Variants in ITGA9 observed in about 807,000 individuals in gnomAD.
ITGA9 encodes integrin alpha-9.
A neutral mutation model predicts 127.8 loss-of-function variants in ITGA9; 56 were observed. The observed-to-expected ratio is 0.44, with a 90% CI of 0.35 to 0.55. ITGA9 has a LOEUF of 0.55. ITGA9 is among the 20% of genes least tolerant of loss of function. The pLI is 0.00. For missense variants in ITGA9, 1,196 were observed against 1,347.1 expected, an observed-to-expected ratio of 0.89 and a Z score of 1.76; for synonymous variants, 508 against 514.5, an observed-to-expected ratio of 0.99 and a Z score of 0.17.
Position 37,823,057 on chromosome 3 carries a change from G to A in ITGA9, c.*4068G>A, listed in dbSNP as rs895685317. ...AGAATATTCAAAGAGTGGCTGAAGG[G>A]AGAATACAGAGCCAGTAGGGCCAAA... On this transcript the variant is annotated 3_prime_UTR_variant, in exon 28 of 28. Transcript: ENST00000264741. The A allele has an allele frequency of 3.9e-5, 6 of 152,178 alleles. No homozygotes were observed. The highest frequency in any genetic ancestry group is 6.5e-5 in the Admixed American group (1 of 15,272). 9.4% of individuals were successfully genotyped at this position (152,178 alleles called of 1,614,324 possible). A position where few individuals can be genotyped will look rare whatever the true frequency, so the allele number is the denominator to read the frequency against.
At chr3:37,722,840 T>C (rs1243684439) in intron 18 of ITGA9, among the ~76,000 whole-genome samples, 1 of 152,108 alleles carries the variant, frequency 6.6e-6, no homozygotes, top group Non-Finnish European at 1.5e-5. Flanking sequence ...TACCTAAGAG[T>C]GGGATTGCTG....
Position 37,619,017 on chromosome 3 carries a change from G to A in ITGA9, c.1690-10170G>A, listed in dbSNP as rs6791820. 2.5e-3 allele frequency among the ~76,000 whole-genome samples: 375 copies of A among 152,312 alleles called. 3 individuals are homozygous for A. The highest frequency in any genetic ancestry group is 8.8e-3 in the African/African-American group (364 of 41,558). ...CCAGTGAGGTGAACCCAGTACCTCAGTTGGAAATGCAGAAATCGCCCGTCT... is the reference window on the plus strand; with the variant it reads ...CCAGTGAGGTGAACCCAGTACCTCAATTGGAAATGCAGAAATCGCCCGTCT... On this transcript the variant is annotated intron_variant, in intron 15 of 27. Transcript: ENST00000264741.
rs1301963526 is a variant in ITGA9 at position 37,533,465 on chromosome 3, A to G, written c.1525A>G (p.Ile509Val). 6.2e-7 allele frequency: 1 copy of G among 1,613,954 alleles called. No homozygotes were observed. Among genetic ancestry groups the G allele is most frequent in the Non-Finnish European group, 8.5e-7 (1 of 1,180,026 alleles). The change falls in exon 14 of 28, where the codon ATT becomes GTT. Residue 509 changes from isoleucine (I) to valine (V), a missense_variant. Transcript: ENST00000264741. ...SFHGKHVPGE[I>V]GLNYVLMADV... is the part of the protein sequence containing the mutation. ...CCATGGCAAACACGTTCCAGGAGAG[A>G]TTGGTAATGAGCCACCAAGTCAGGG...
intron 27 of ITGA9, chr3:37,805,958 C>T: frequency 6.6e-6 from 1 of 152,222 alleles, no homozygotes; most frequent in Non-Finnish European, 1.5e-5. Flanking sequence ...CAGGTGTGAG[C>T]CACCCCGCCC....
intron 23 of ITGA9, among the ~76,000 whole-genome samples, chr3:37,765,464 T>C (rs889218850): frequency 6.6e-6 from 1 of 152,154 alleles, no homozygotes; most frequent in Non-Finnish European, 1.5e-5. Context: ...CTTTCTTTTC[T>C]TTTTCTTTTG....
chr3:37,578,296 A>T (rs1377573375), intron 15 of ITGA9, among the ~76,000 whole-genome samples: 2 of 152,170 alleles, frequency 1.3e-5, no homozygotes, highest in Non-Finnish European at 2.9e-5. Flanking sequence ...GGATGAGCTC[A>T]TTTCATAAGG....
At chr3:37,507,056 G>C (rs1423674336) in intron 7 of ITGA9, among the ~76,000 whole-genome samples, 5 of 152,222 alleles carry the variant, frequency 3.3e-5, no homozygotes, top group Non-Finnish European at 7.3e-5. Flanking sequence ...CCTGGGCAGA[G>C]GTTAGGAGCT....
chr3:37,505,416 A>G (rs1698829705), intron 6 of ITGA9, among the ~76,000 whole-genome samples: 2 of 152,240 alleles, frequency 1.3e-5, no homozygotes, highest in South Asian at 2.1e-4. Flanking sequence ...TATATAACGG[A>G]TATTACTCAA....
chr3:37,671,317 A>T (rs1013424604), intron 17 of ITGA9, among the ~76,000 whole-genome samples: 1 of 152,216 alleles, frequency 6.6e-6, no homozygotes, highest in African/African-American at 2.4e-5. Context: ...TAAACAGATG[A>T]GGCAGGAGGA....
intron 26 of ITGA9, among the ~76,000 whole-genome samples, chr3:37,787,142 A>C (rs1487941605): frequency 1.3e-5 from 2 of 152,222 alleles, no homozygotes; most frequent in Non-Finnish European, 2.9e-5. Flanking sequence ...GCTCATTGTC[A>C]TAGTTCTGGT....
intron 26 of ITGA9, among the ~76,000 whole-genome samples, chr3:37,793,389 A>AACACACACACACACACACAC (rs10575371): frequency 2.2e-5 from 3 of 134,458 alleles, no homozygotes; most frequent in African/African-American, 5.5e-5. Context: ...CAAACAGGTC[A>AACACACACACACACACACAC]ACACACACAC....
intron 15 of ITGA9, among the ~76,000 whole-genome samples, chr3:37,544,288 G>T (rs1699304947): frequency 6.6e-6 from 1 of 152,170 alleles, no homozygotes; most frequent in Non-Finnish European, 1.5e-5. Flanking sequence ...TACTGGGAAG[G>T]ATCAGGGTTG....
Position 37,741,926 on chromosome 3 carries a change from A to C in ITGA9, c.2324+107A>C, listed in dbSNP as rs1467805475. ...CCAGCCAGGAGCCAAGGGCTGTGCCACCTCCACTTCCTCCCAGCCTTGAAA... is the reference window on the plus strand; with the variant it reads ...CCAGCCAGGAGCCAAGGGCTGTGCCCCCTCCACTTCCTCCCAGCCTTGAAA... On this transcript the variant is annotated intron_variant, in intron 21 of 27. Transcript: ENST00000264741. The C allele has an allele frequency of 3.6e-6, 3 of 826,150 alleles. No individual in the cohort carries two copies. The African/African-American group carries it at 5.1e-5, about 14-fold the overall frequency. The allele number at this position is 826,150 out of a possible 1,614,324, so 51.2% of individuals were successfully genotyped here.
chr3:37,563,524 C>G (rs1179903637), intron 15 of ITGA9, among the ~76,000 whole-genome samples: 1 of 152,208 alleles, frequency 6.6e-6, no homozygotes, highest in African/African-American at 2.4e-5. Flanking sequence ...CCTCCCCATT[C>G]TGGATGTGCC....
intron 16 of ITGA9, among the ~76,000 whole-genome samples, chr3:37,639,618 C>T (rs1391172493): frequency 5.9e-5 from 9 of 152,146 alleles, no homozygotes; most frequent in East Asian, 3.9e-4. Flanking sequence ...TGTGATTCTA[C>T]GGTGGACAGA....
chr3:37,630,415 G>A (rs1575173818), intron 16 of ITGA9, among the ~76,000 whole-genome samples: 1 of 152,194 alleles, frequency 6.6e-6, no homozygotes, highest in South Asian at 2.1e-4. Flanking sequence ...AGGCATGGGG[G>A]CTCAAAATGG....
At chr3:37,456,044 T>G (rs958541080) in intron 1 of ITGA9, among the ~76,000 whole-genome samples, 7 of 152,086 alleles carry the variant, frequency 4.6e-5, no homozygotes, top group African/African-American at 1.7e-4. Flanking sequence ...ATCTTGCTTT[T>G]CCCAGCCCTG....
At chr3:37,735,321 C>T (rs570443890) in intron 19 of ITGA9, among the ~76,000 whole-genome samples, 75 of 152,306 alleles carry the variant, frequency 4.9e-4, no homozygotes, top group African/African-American at 1.8e-3. Context: ...GCCCTGTCTC[C>T]ATGCCTGCCC....
At chr3:37,628,285 T>G (rs1575173060) in intron 15 of ITGA9, among the ~76,000 whole-genome samples, 2 of 152,114 alleles carry the variant, frequency 1.3e-5, no homozygotes, top group Non-Finnish European at 1.5e-5. Flanking sequence ...CCGAGCTCAC[T>G]GTCTCAGAAT....
Sources: allele counts gnomAD v4.1 joint callset (sites outside exome capture counted in the v4.1 genomes callset), GRCh38; gene constraint gnomAD v4.1.1; transcripts MANE v1.5; gene names NCBI Gene and HGNC (gene_info 2026-07-23, HGNC 2026-07-21).